Variants in SPATS2 observed in about 807,000 individuals in gnomAD.
SPATS2 encodes spermatogenesis associated serine rich 2.
A neutral mutation model predicts 63.7 loss-of-function variants in SPATS2; 38 were observed. The observed-to-expected ratio is 0.60, with a 90% CI of 0.46 to 0.78. SPATS2 has a LOEUF of 0.78. Ranked by LOEUF, SPATS2 falls within the 30% of genes least tolerant of loss-of-function variation. The pLI, the probability that SPATS2 is intolerant of heterozygous loss-of-function variation, is 0.00. For missense variants in SPATS2, 588 were observed against 666.2 expected (o/e 0.88, Z 1.29); for synonymous variants, 207 against 232.9 (o/e 0.89, Z 1.01).
chr12:49,484,529 C>G, intron 3 of SPATS2, 61 bp from the exon 4 acceptor site: 1 of 1,534,434 alleles, frequency 6.5e-7, no homozygotes, highest in Non-Finnish European at 8.9e-7. Context: ...CTTGGCCCTT[C>G]TGTCTTAGGG....
intron 2 of SPATS2, among the ~76,000 whole-genome samples, chr12:49,456,209 T>C (rs532278278): frequency 1.0e-3 from 159 of 152,312 alleles, no homozygotes; most frequent in Middle Eastern, 6.8e-3. Flanking sequence ...GGAGCAGCCA[T>C]AGACTGCCAC....
chr12:49,500,211 T>A lies in SPATS2; in HGVS notation c.839+6T>A, dbSNP rs1946541557. ...TTTGCTGAATTGGAGAGCTGGTAAT[T>A]TAAGCTGCATTTGATATCAGTAGCA... On this transcript the variant is annotated splice_donor_region_variant and intron_variant, in intron 9 of 13. Coordinates refer to ENST00000552918, the MANE Select transcript of SPATS2 (RefSeq NM_023071.4). 3 of 1,589,280 alleles carry A rather than the reference T, an allele frequency of 1.9e-6. No individual in the cohort carries two copies. In the African/African-American group the frequency reaches 4.1e-5, roughly 22 times the overall value.
At chr12:49,438,385 T>C (rs1436869028) in intron 2 of SPATS2, among the ~76,000 whole-genome samples, 1 of 152,252 alleles carries the variant, frequency 6.6e-6, no homozygotes, top group Admixed American at 6.5e-5. Flanking sequence ...CTATTATGAA[T>C]AAAGCTGCTG....
chr12:49,489,223 TA>T (rs1156608342), intron 4 of SPATS2, among the ~76,000 whole-genome samples: 1 of 152,238 alleles, frequency 6.6e-6, no homozygotes, highest in Non-Finnish European at 1.5e-5. Context: ...AAATCTAGCA[TA>T]TAACTTCTAT....
intron 3 of SPATS2, among the ~76,000 whole-genome samples, chr12:49,474,223 C>T (rs1156236904): frequency 2.6e-5 from 4 of 152,184 alleles, no homozygotes; most frequent in African/African-American, 9.7e-5. Flanking sequence ...ACAAGTTTAA[C>T]ACTTAAAGCT....
intron 3 of SPATS2, chr12:49,469,615 G>T (rs1945999490): frequency 4.8e-6 from 2 of 417,404 alleles, no homozygotes; most frequent in Admixed American, 2.9e-5. Flanking sequence ...TATGGGCCAG[G>T]CACAGTGGCT....
chr12:49,482,724 C>G (rs1946227212), intron 3 of SPATS2, among the ~76,000 whole-genome samples: 1 of 152,168 alleles, frequency 6.6e-6, no homozygotes, highest in South Asian at 2.1e-4. Context: ...TAACAGTATT[C>G]CAGATAAACC....
At chr12:49,436,265 C>CG (rs1344288137) in intron 2 of SPATS2, among the ~76,000 whole-genome samples, 8 of 143,040 alleles carry the variant, frequency 5.6e-5, no homozygotes, top group African/African-American at 1.3e-4. Context: ...GCTGGCCGGG[C>CG]GGGGGGCTGA....
At chr12:49,462,409 C>T (rs1945837633) in intron 3 of SPATS2, 1 of 702,230 alleles carries the variant, frequency 1.4e-6, no homozygotes, top group African/African-American at 1.7e-5. Flanking sequence ...GCCTGTGACC[C>T]CCGAAGCTCC....
At chr12:49,521,075 T>C (rs756881226) in intron 11 of SPATS2, among the ~76,000 whole-genome samples, 4 of 152,094 alleles carry the variant, frequency 2.6e-5, no homozygotes, top group African/African-American at 4.8e-5. Context: ...CTGAGGGAAA[T>C]TGGGATATTC....
At chr12:49,393,146 A>G (rs1425310871) in intron 2 of SPATS2, among the ~76,000 whole-genome samples, 1 of 151,912 alleles carries the variant, frequency 6.6e-6, no homozygotes, top group East Asian at 1.9e-4. Context: ...TTAATTGTGG[A>G]CATTTTCAAC....
chr12:49,458,872 A>C (rs1360115709), intron 2 of SPATS2, among the ~76,000 whole-genome samples: 1 of 152,080 alleles, frequency 6.6e-6, no homozygotes, highest in African/African-American at 2.4e-5. Context: ...AATTTAAAGG[A>C]GCTTCCTGCA....
At chr12:49,391,234 C>T (rs1944412331) in intron 2 of SPATS2, among the ~76,000 whole-genome samples, 3 of 152,180 alleles carry the variant, frequency 2.0e-5, no homozygotes, top group Non-Finnish European at 4.4e-5. Flanking sequence ...GTCAAATATG[C>T]CGGGCGCGGT....
intron 2 of SPATS2, among the ~76,000 whole-genome samples, chr12:49,433,761 A>T (rs1945226654): frequency 6.6e-6 from 1 of 152,024 alleles, no homozygotes; most frequent in African/African-American, 2.4e-5. Flanking sequence ...TTTTTACTTC[A>T]TTGATTGCTT....
At chr12:49,396,762 T>A (rs558537530) in intron 2 of SPATS2, among the ~76,000 whole-genome samples, 35 of 152,374 alleles carry the variant, frequency 2.3e-4, no homozygotes, top group Non-Finnish European at 1.5e-4. Flanking sequence ...CAGTCCTTTT[T>A]GTTTCTTAAT....
chr12:49,486,584 A>G (rs542621017), intron 4 of SPATS2, among the ~76,000 whole-genome samples: 2 of 152,274 alleles, frequency 1.3e-5, no homozygotes, highest in East Asian at 3.9e-4. Flanking sequence ...TCAAAAATGT[A>G]TTAACCTTCG....
At chr12:49,525,234 A>G (rs889888158) in intron 13 of SPATS2, among the ~76,000 whole-genome samples, 12 of 152,224 alleles carry the variant, frequency 7.9e-5, no homozygotes, top group African/African-American at 2.9e-4. Flanking sequence ...ACCAGTGTGC[A>G]TCTGAAAGCA....
chr12:49,481,042 T>C (rs1378128069), intron 3 of SPATS2, among the ~76,000 whole-genome samples: 1 of 152,184 alleles, frequency 6.6e-6, no homozygotes, highest in Non-Finnish European at 1.5e-5. Context: ...ACCTAATTTT[T>C]GAAGCCAGCA....
At chr12:49,397,654 C>T (rs1330440879) in intron 2 of SPATS2, among the ~76,000 whole-genome samples, 1 of 151,392 alleles carries the variant, frequency 6.6e-6, no homozygotes, top group Non-Finnish European at 1.5e-5. Context: ...ATAACAAGAC[C>T]CTATCTCTAC....
Sources: allele counts gnomAD v4.1 joint callset (sites outside exome capture counted in the v4.1 genomes callset), GRCh38; gene constraint gnomAD v4.1.1; transcripts MANE v1.5; gene names NCBI Gene and HGNC (gene_info 2026-07-23, HGNC 2026-07-21).